The following ZBTB20 variants were observed in gnomAD, a reference collection of about 807,000 sequenced individuals.
The protein encoded by ZBTB20 is zinc finger and BTB domain-containing protein 20.
Under a neutral mutation model 56.9 loss-of-function variants are expected in ZBTB20, and 9 were observed. The observed-to-expected ratio is 0.16, with a 90% CI of 0.10 to 0.28. ZBTB20 has a LOEUF of 0.28. ZBTB20 is among the 10% of genes least tolerant of loss of function. ZBTB20 has a pLI of 1.00. For synonymous variants in ZBTB20, 417 were observed against 420.7 expected (o/e 0.99, Z 0.11); for missense variants, 655 against 1,003.0 (o/e 0.65, Z 4.69).
chr3:114,947,787 C>T (rs1416082506), intron 3 of ZBTB20, among the ~76,000 whole-genome samples: 2 of 145,582 alleles, frequency 1.4e-5, no homozygotes, highest in African/African-American at 2.8e-5. Context: ...CAATTGTACA[C>T]CATAATTTTA....
intron 3 of ZBTB20, among the ~76,000 whole-genome samples, chr3:114,909,671 A>G (rs1273895636): frequency 6.6e-6 from 1 of 152,018 alleles, no homozygotes; most frequent in East Asian, 1.9e-4. Context: ...AGGCCATACC[A>G]TCTACGTTTA....
At chr3:115,139,641 A>T (rs544314014) in intron 1 of ZBTB20, among the ~76,000 whole-genome samples, 2 of 152,172 alleles carry the variant, frequency 1.3e-5, no homozygotes, top group African/African-American at 4.8e-5. Flanking sequence ...TGCTTAGAGA[A>T]GAGAATCACA....
At chr3:114,958,916 G>A (rs1268108058) in intron 3 of ZBTB20, among the ~76,000 whole-genome samples, 1 of 151,686 alleles carries the variant, frequency 6.6e-6, no homozygotes, top group Non-Finnish European at 1.5e-5. Context: ...AGGAGAAATA[G>A]CTAGAATTCA....
chr3:114,684,916 AGGC>A (rs1175635031), intron 6 of ZBTB20, among the ~76,000 whole-genome samples: 77 of 152,260 alleles, frequency 5.1e-4, no homozygotes, highest in African/African-American at 1.7e-3. Flanking sequence ...GGGACCATTT[AGGC>A]TCTATCAGTG....
chr3:114,937,111 A>G (rs2076561319), intron 3 of ZBTB20, among the ~76,000 whole-genome samples: 1 of 152,220 alleles, frequency 6.6e-6, no homozygotes, highest in African/African-American at 2.4e-5. Context: ...AGAAGGATTT[A>G]TAATCCTTTG....
intron 6 of ZBTB20, among the ~76,000 whole-genome samples, chr3:114,568,560 T>A (rs1479754807): frequency 6.6e-6 from 1 of 152,216 alleles, no homozygotes; most frequent in African/African-American, 2.4e-5. Context: ...TTTATAAAAA[T>A]TCCTGGTATG....
intron 6 of ZBTB20, among the ~76,000 whole-genome samples, chr3:114,569,330 G>A (rs1325059505): frequency 1.3e-5 from 2 of 152,132 alleles, no homozygotes; most frequent in African/African-American, 2.4e-5. Context: ...GGAAGTTTGG[G>A]GTCACAAAGG....
chr3:114,763,434 C>A (rs1199848678), intron 5 of ZBTB20, among the ~76,000 whole-genome samples: 1 of 151,998 alleles, frequency 6.6e-6, no homozygotes, highest in African/African-American at 2.4e-5. Context: ...TCTATGATAC[C>A]TCAATGATAT....
chr3:115,037,146 G>A (rs893041274), intron 2 of ZBTB20, among the ~76,000 whole-genome samples: 19 of 152,042 alleles, frequency 1.2e-4, no homozygotes, highest in African/African-American at 3.1e-4. Flanking sequence ...ACTATCAATC[G>A]TTTTGCTTAA....
chr3:114,657,015 A>G (rs567607092), intron 6 of ZBTB20, among the ~76,000 whole-genome samples: 2 of 152,320 alleles, frequency 1.3e-5, no homozygotes, highest in East Asian at 3.9e-4. Flanking sequence ...ACAACTTCTG[A>G]ATCATCGAGG....
chr3:114,858,089 G>A (rs1366242221), intron 4 of ZBTB20, among the ~76,000 whole-genome samples: 4 of 152,182 alleles, frequency 2.6e-5, no homozygotes, highest in African/African-American at 9.7e-5. Flanking sequence ...GAATTAGTGT[G>A]AGGTCTTCAT....
intron 4 of ZBTB20, among the ~76,000 whole-genome samples, chr3:114,887,746 C>T (rs545377573): frequency 2.0e-5 from 3 of 152,218 alleles, no homozygotes; most frequent in Admixed American, 1.3e-4. Flanking sequence ...TTAAGTCACC[C>T]AGTTTATCAT....
chr3:114,360,448 G>A (rs765899393), intron 10 of ZBTB20, among the ~76,000 whole-genome samples: 1 of 150,820 alleles, frequency 6.6e-6, no homozygotes, highest in Non-Finnish European at 1.5e-5. Flanking sequence ...GGGTTCAAGT[G>A]ATTCTCCTGC....
chr3:114,411,783 T>C (rs755838741), intron 7 of ZBTB20, among the ~76,000 whole-genome samples: 2 of 152,082 alleles, frequency 1.3e-5, no homozygotes, highest in Non-Finnish European at 2.9e-5. Context: ...GTTAAAATAA[T>C]ATTGAAGCAC....
In ZBTB20 at chr3:114,587,554, A is replaced by C. The variant is rs573704899; in HGVS notation, c.-294-87163T>G. 2.0e-5 allele frequency among the ~76,000 whole-genome samples: 3 copies of C among 152,366 alleles called. No homozygotes were observed. In the South Asian group the frequency reaches 6.2e-4, roughly 32 times the overall value. On this transcript the variant is annotated intron_variant, in intron 6 of 11. Coordinates refer to ENST00000675478, the MANE Select transcript of ZBTB20 (RefSeq NM_001348800.3). Reference sequence around the variant, plus strand: ...ACACTATGTGTATTATACAATTTACATGTGTAATTTAATCATTACAATAAT... The same window carrying C: ...ACACTATGTGTATTATACAATTTACCTGTGTAATTTAATCATTACAATAAT...
intron 3 of ZBTB20, among the ~76,000 whole-genome samples, chr3:114,964,817 A>C (rs2077588152): frequency 6.6e-6 from 1 of 152,182 alleles, no homozygotes; most frequent in African/African-American, 2.4e-5. Flanking sequence ...GGGATAGGAA[A>C]AGGTAAAGAG....
intron 1 of ZBTB20, among the ~76,000 whole-genome samples, chr3:115,136,869 T>C (rs1269172997): frequency 6.6e-6 from 1 of 152,022 alleles, no homozygotes; most frequent in African/African-American, 2.4e-5. Flanking sequence ...ATTAAAAACA[T>C]GAGTGTTCAA....
At chr3:114,871,454 T>C (rs1276047919) in intron 4 of ZBTB20, among the ~76,000 whole-genome samples, 1 of 152,164 alleles carries the variant, frequency 6.6e-6, no homozygotes, top group East Asian at 1.9e-4. Flanking sequence ...TTATATGTCT[T>C]CCTTTTCATC....
In ZBTB20 at chr3:114,351,560, A is replaced by G. The variant is rs1576287998; in HGVS notation, c.518T>C (p.Ile173Thr). ...CTGCAGGATGCTGGCGGCCGTGAGG[A>G]TCTGCAGAGCTTCCGACTGCGAGAC... ...LRVSQSEALQ[I>T]LTAASILQIK... The change falls in exon 11 of 12, where the codon ATC becomes ACC. Residue 173 changes from isoleucine to threonine, a missense_variant. Coordinates refer to ENST00000675478, the MANE Select transcript of ZBTB20 (RefSeq NM_001348800.3). 8.7e-6 allele frequency: 14 copies of G among 1,613,966 alleles called. No individual in the cohort carries two copies. Among genetic ancestry groups the G allele is most frequent in the Non-Finnish European group, 1.1e-5 (13 of 1,180,002 alleles).
Sources: allele counts gnomAD v4.1 joint callset (sites outside exome capture counted in the v4.1 genomes callset), GRCh38; gene constraint gnomAD v4.1.1; transcripts MANE v1.5; gene names NCBI Gene and HGNC (gene_info 2026-07-23, HGNC 2026-07-21).